SGCD: variants seen among roughly 807,000 people sequenced by gnomAD.
The protein encoded by SGCD is sarcoglycan delta.
A neutral mutation model predicts 36.6 loss-of-function variants in SGCD; 18 were observed. The observed-to-expected ratio is 0.49, with a 90% CI of 0.34 to 0.73. The LOEUF (loss-of-function observed/expected upper bound fraction) is 0.73, where lower values mean the gene tolerates loss of function less well. Ranked by LOEUF, SGCD falls within the 30% of genes least tolerant of loss-of-function variation. SGCD has a pLI of 0.01. For missense variants in SGCD, 387 were observed against 346.7 expected (o/e 1.12, Z -0.92); for synonymous variants, 133 against 130.6 (o/e 1.02, Z -0.12).
At chr5:155,853,327 C>A in the SGCD span, among the ~76,000 whole-genome samples, 1 of 151,676 alleles carries the variant, frequency 6.6e-6, no homozygotes, top group Non-Finnish European at 1.5e-5. Flanking sequence ...TATAAGAAAG[C>A]AATTTCAGTA....
At chr5:155,892,993 G>T (rs1042519851) in intron 1 of SGCD, among the ~76,000 whole-genome samples, 7 of 152,142 alleles carry the variant, frequency 4.6e-5, no homozygotes, top group African/African-American at 9.7e-5. Context: ...GTGAGGAGAG[G>T]TTGGCCACCA....
At chr5:156,308,720 G>C (rs1352457544) in intron 3 of SGCD, among the ~76,000 whole-genome samples, 1 of 152,102 alleles carries the variant, frequency 6.6e-6, no homozygotes, top group Admixed American at 6.5e-5. Context: ...ACCTGACATG[G>C]GGGGATTACA....
intron 7 of SGCD, among the ~76,000 whole-genome samples, chr5:156,720,253 A>C (rs1450247313): frequency 6.6e-6 from 1 of 152,226 alleles, no homozygotes; most frequent in Non-Finnish European, 1.5e-5. Context: ...ACTAATAAGC[A>C]AAGGTCAGGC....
chr5:156,127,854 C>CAAAAAAAA (rs56822746), intron 3 of SGCD, among the ~76,000 whole-genome samples: 5 of 18,446 alleles, frequency 2.7e-4, no homozygotes, highest in Admixed American at 9.1e-4. Flanking sequence ...AACATAAATG[C>CAAAAAAAA]AAAAAAAAAA....
intron 3 of SGCD, among the ~76,000 whole-genome samples, chr5:156,420,881 T>C (rs1397017736): frequency 6.6e-6 from 1 of 152,144 alleles, no homozygotes; most frequent in Non-Finnish European, 1.5e-5. Flanking sequence ...TGATCCATGC[T>C]TCAACGTGGT....
At chr5:156,205,932 CT>C (rs938252396) in intron 3 of SGCD, among the ~76,000 whole-genome samples, 12 of 150,568 alleles carry the variant, frequency 8.0e-5, no homozygotes, top group Admixed American at 2.7e-4. Context: ...GGGAGATGAC[CT>C]GTCCTGCCAT....
At chr5:156,712,201 GGTCTCA>G (rs1247156771) in intron 7 of SGCD, among the ~76,000 whole-genome samples, 2 of 152,182 alleles carry the variant, frequency 1.3e-5, no homozygotes, top group Non-Finnish European at 2.9e-5. Context: ...TCTGGGAACA[GGTCTCA>G]GCCTTATTTT....
intron 3 of SGCD, among the ~76,000 whole-genome samples, chr5:156,229,544 T>G (rs1370421701): frequency 6.6e-6 from 1 of 151,818 alleles, no homozygotes; most frequent in Non-Finnish European, 1.5e-5. Context: ...GCTGATAATC[T>G]GAGAAGTTTT....
At chr5:155,756,180 G>A in the SGCD span, among the ~76,000 whole-genome samples, 1 of 152,200 alleles carries the variant, frequency 6.6e-6, no homozygotes, top group East Asian at 1.9e-4. Flanking sequence ...GAAAGCTGAT[G>A]TGACTTTTGT....
At chr5:156,685,114 C>G (rs935285267) in intron 7 of SGCD, among the ~76,000 whole-genome samples, 1 of 152,042 alleles carries the variant, frequency 6.6e-6, no homozygotes, top group African/African-American at 2.4e-5. Flanking sequence ...ACCTTGAAAG[C>G]AGAAGATTAA....
At chr5:155,893,025 A>G (rs1216199837) in intron 1 of SGCD, among the ~76,000 whole-genome samples, 2 of 152,210 alleles carry the variant, frequency 1.3e-5, no homozygotes, top group Non-Finnish European at 2.9e-5. Context: ...GCAATTGGGT[A>G]GGAGGAATAA....
intron 3 of SGCD, among the ~76,000 whole-genome samples, chr5:156,369,001 G>A (rs764903220): frequency 5.3e-5 from 8 of 152,292 alleles, no homozygotes; most frequent in East Asian, 3.9e-4. Flanking sequence ...GTTGGGGACC[G>A]CTGCTCTATA....
At chr5:155,776,646 G>A in the SGCD span, among the ~76,000 whole-genome samples, 2 of 86,620 alleles carry the variant, frequency 2.3e-5, no homozygotes, top group Admixed American at 1.2e-4. Flanking sequence ...CCCCACCCCC[G>A]CCCCACCTCC....
chr5:156,306,373 T>C (rs546282886), intron 3 of SGCD, among the ~76,000 whole-genome samples: 7 of 152,348 alleles, frequency 4.6e-5, no homozygotes, highest in African/African-American at 1.4e-4. Flanking sequence ...TTGCCATCCA[T>C]GTATGATGTG....
At chr5:156,603,032 AGT>A (rs77081211) in intron 6 of SGCD, among the ~76,000 whole-genome samples, 36,464 of 151,844 alleles carry the variant, frequency 0.24, 4,465 homozygotes, top group East Asian at 0.31. Context: ...TTCTTCTTTA[AGT>A]GTTTGGCAAG....
At chr5:155,931,126 C>T (rs1757091219) in intron 1 of SGCD, among the ~76,000 whole-genome samples, 1 of 152,020 alleles carries the variant, frequency 6.6e-6, no homozygotes, top group Non-Finnish European at 1.5e-5. Context: ...GGTATTTGAA[C>T]CAAGTCACAG....
intron 1 of SGCD, among the ~76,000 whole-genome samples, chr5:156,092,089 C>G (rs909159653): frequency 1.3e-5 from 2 of 152,192 alleles, no homozygotes; most frequent in Admixed American, 1.3e-4. Flanking sequence ...ACATCAAATG[C>G]CTGTTGACAT....
chr5:156,732,244 GC>G (rs1756116629), intron 7 of SGCD, among the ~76,000 whole-genome samples: 1 of 152,056 alleles, frequency 6.6e-6, no homozygotes, highest in Non-Finnish European at 1.5e-5. Context: ...AATACTTCCA[GC>G]TTTTGCCCAT....
intron 4 of SGCD, among the ~76,000 whole-genome samples, chr5:156,562,059 A>G (rs1759286558): frequency 6.6e-6 from 1 of 152,202 alleles, no homozygotes; most frequent in Admixed American, 6.5e-5. Context: ...TTTACTGAAC[A>G]CTTATAATGT....
Sources: gnomAD v4.1 joint callset for allele counts (sites outside exome capture counted in the v4.1 genomes callset) on GRCh38, gnomAD v4.1.1 for gene constraint, MANE v1.5 for transcripts, NCBI Gene and HGNC (gene_info 2026-07-23, HGNC 2026-07-21) for gene names.